The following SYT1 variants were observed in gnomAD, a reference collection of about 807,000 sequenced individuals.
SYT1 encodes the protein synaptotagmin 1, also known as synaptotagmin-1.
In SYT1, 8 loss-of-function variants were observed where a neutral mutation model predicts 44.8. The observed-to-expected ratio is 0.18, with a 90% CI of 0.10 to 0.32. SYT1 has a LOEUF of 0.32. Among genes scored for constraint, SYT1 ranks in the 10% least tolerant of loss-of-function variants. SYT1 has a pLI of 1.00. For missense variants in SYT1, 286 were observed against 509.3 expected (o/e 0.56, Z 4.22); for synonymous variants, 154 against 188.8 (o/e 0.82, Z 1.51).
At chr12:79,293,365 TA>T (rs1879700693) in intron 6 of SYT1, among the ~76,000 whole-genome samples, 1 of 133,542 alleles carries the variant, frequency 7.5e-6, no homozygotes. Context: ...TAAAATAAAA[TA>T]AAATAAAATA....
intron 1 of SYT1, among the ~76,000 whole-genome samples, chr12:78,885,677 A>G (rs1874710135): frequency 6.6e-6 from 1 of 151,976 alleles, no homozygotes; most frequent in Admixed American, 6.6e-5. Context: ...GGGAGCACTG[A>G]AAGCTTTTTT....
intron 5 of SYT1, among the ~76,000 whole-genome samples, chr12:79,289,597 T>C (rs777957725): frequency 2.0e-5 from 3 of 152,194 alleles, no homozygotes; most frequent in African/African-American, 4.8e-5. Flanking sequence ...TCAAATTGCA[T>C]TGGGCTGAAA....
At chr12:79,436,014 A>G (rs1008879849) in intron 9 of SYT1, among the ~76,000 whole-genome samples, 3 of 152,208 alleles carry the variant, frequency 2.0e-5, no homozygotes, top group African/African-American at 7.2e-5. Context: ...ACACTGAGTC[A>G]TAAGACAGTC....
At chr12:79,447,462 A>G (rs941086451) in intron 10 of SYT1, among the ~76,000 whole-genome samples, 7 of 152,322 alleles carry the variant, frequency 4.6e-5, no homozygotes, top group African/African-American at 1.4e-4. Flanking sequence ...AATAAACTAC[A>G]TATGCAGCTG....
intron 9 of SYT1, among the ~76,000 whole-genome samples, chr12:79,440,609 T>G (rs1229483268): frequency 6.6e-6 from 1 of 152,188 alleles, no homozygotes; most frequent in African/African-American, 2.4e-5. Context: ...TGAGTTTCAT[T>G]ACATCTTATT....
intron 8 of SYT1, among the ~76,000 whole-genome samples, chr12:79,306,190 G>C (rs1321615233): frequency 6.6e-6 from 1 of 152,202 alleles, no homozygotes. Flanking sequence ...TTTTCAAGTA[G>C]ATTGGTTGAA....
rs1878806775 is a variant in SYT1 at position 78,948,844 on chromosome 12, T to C, written c.-216-28955T>C. On this transcript the variant is annotated intron_variant, in intron 1 of 10. Transcript: ENST00000261205. ...TCCATGGAGAGGTGTTTCCATAACA[T>C]GCCCTGATAATAAATTTGTGACAAC... Among the ~76,000 whole-genome samples, 3 of 151,802 alleles carry C rather than the reference T, an allele frequency of 2.0e-5. No individual in the cohort carries two copies. The Admixed American group carries it at 2.0e-4, about 10-fold the overall frequency.
chr12:79,426,380 A>G (rs1421561799), intron 9 of SYT1, among the ~76,000 whole-genome samples: 1 of 152,112 alleles, frequency 6.6e-6, no homozygotes, highest in Non-Finnish European at 1.5e-5. Context: ...CCTTATTCAT[A>G]CCACAGGCAA....
At chr12:78,975,679 G>A (rs963838580) in intron 1 of SYT1, among the ~76,000 whole-genome samples, 1 of 151,968 alleles carries the variant, frequency 6.6e-6, no homozygotes, top group Non-Finnish European at 1.5e-5. Flanking sequence ...AATGACAGAT[G>A]GTTTTTAATC....
chr12:79,246,345 C>T (rs1370375236), intron 4 of SYT1, among the ~76,000 whole-genome samples: 1 of 152,078 alleles, frequency 6.6e-6, no homozygotes, highest in Non-Finnish European at 1.5e-5. Flanking sequence ...TTCATGATAC[C>T]CCTTTCATAA....
At chr12:79,005,318 A>C (rs1871006636) in intron 2 of SYT1, among the ~76,000 whole-genome samples, 2 of 151,970 alleles carry the variant, frequency 1.3e-5, no homozygotes, top group South Asian at 4.1e-4. Flanking sequence ...AATATTTATT[A>C]ATAGAAAGTA....
intron 3 of SYT1, among the ~76,000 whole-genome samples, chr12:79,099,339 ATTAT>A (rs1250064933): frequency 1.3e-5 from 2 of 152,194 alleles, no homozygotes; most frequent in Non-Finnish European, 2.9e-5. Flanking sequence ...TTGTCTAAAC[ATTAT>A]TTATTCATTG....
intron 3 of SYT1, among the ~76,000 whole-genome samples, chr12:79,069,788 T>C (rs1876138972): frequency 6.6e-6 from 1 of 152,108 alleles, no homozygotes; most frequent in Non-Finnish European, 1.5e-5. Flanking sequence ...TCTTTTTATT[T>C]TAATGGGAGT....
At chr12:79,102,340 T>C (rs560633900) in intron 3 of SYT1, among the ~76,000 whole-genome samples, 2 of 152,132 alleles carry the variant, frequency 1.3e-5, no homozygotes, top group South Asian at 2.1e-4. Flanking sequence ...ACATACCAAC[T>C]TTTTAACTTT....
At chr12:79,310,023 A>G (rs1050556655) in intron 8 of SYT1, among the ~76,000 whole-genome samples, 1 of 152,130 alleles carries the variant, frequency 6.6e-6, no homozygotes, top group Non-Finnish European at 1.5e-5. Context: ...CAGTTTAATT[A>G]CATCCCATTT....
intron 3 of SYT1, among the ~76,000 whole-genome samples, chr12:79,053,453 C>T (rs1874683051): frequency 6.6e-6 from 1 of 151,798 alleles, no homozygotes; most frequent in Admixed American, 6.6e-5. Flanking sequence ...CACATGTATA[C>T]ATATGTAACA....
intron 8 of SYT1, among the ~76,000 whole-genome samples, chr12:79,308,630 A>AAG (rs1210448030): frequency 3.4e-5 from 5 of 146,780 alleles, no homozygotes; most frequent in African/African-American, 1.3e-4. Context: ...GAAAGAAAGA[A>AAG]AGAAAGAAAG....
At chr12:79,236,691 A>G (rs764916179) in intron 4 of SYT1, among the ~76,000 whole-genome samples, 35 of 152,204 alleles carry the variant, frequency 2.3e-4, no homozygotes, top group Non-Finnish European at 4.6e-4. Context: ...ATGCCCTACA[A>G]GGAGAAAACA....
At chr12:79,364,239 C>A (rs1883445354) in intron 9 of SYT1, among the ~76,000 whole-genome samples, 1 of 151,722 alleles carries the variant, frequency 6.6e-6, no homozygotes, top group African/African-American at 2.4e-5. Flanking sequence ...CTCCCCACCC[C>A]CTTTAATGGT....
Sources: allele counts gnomAD v4.1 joint callset (sites outside exome capture counted in the v4.1 genomes callset), GRCh38; gene constraint gnomAD v4.1.1; transcripts MANE v1.5; gene names NCBI Gene and HGNC (gene_info 2026-07-23, HGNC 2026-07-21).